PCDHGA3: variants seen among roughly 807,000 people sequenced by gnomAD.
The protein encoded by PCDHGA3 is protocadherin gamma subfamily A, 3.
A neutral mutation model predicts 58.5 loss-of-function variants in PCDHGA3; 40 were observed. The ratio of observed to expected loss-of-function variants is 0.68; its 90% CI spans 0.53 to 0.89. The LOEUF is 0.89. Among genes scored for constraint, PCDHGA3 ranks in the 40% least tolerant of loss-of-function variants. The probability of loss-of-function intolerance (pLI) is 0.00; values close to 1 mark genes in which losing one functional copy is unlikely to be tolerated. For synonymous variants in PCDHGA3, 530 were observed against 525.7 expected (o/e 1.01, Z -0.11); for missense variants, 1,223 against 1,195.9 (o/e 1.02, Z -0.33).
intron 1 of PCDHGA3, among the ~76,000 whole-genome samples, chr5:141,454,626 G>A (rs1206050863): frequency 6.6e-6 from 1 of 151,304 alleles, no homozygotes; most frequent in African/African-American, 2.4e-5. Flanking sequence ...GGCTGGTCTC[G>A]AACCCCCAAC....
intron 1 of PCDHGA3, among the ~76,000 whole-genome samples, chr5:141,458,500 T>G (rs2098947037): frequency 6.6e-6 from 1 of 151,442 alleles, no homozygotes; most frequent in Admixed American, 6.6e-5. Context: ...CTGTACATAC[T>G]GTTTGACACT....
chr5:141,403,856 T>A, intron 1 of PCDHGA3: 1 of 1,613,604 alleles, frequency 6.2e-7, no homozygotes, highest in Non-Finnish European at 8.5e-7. Context: ...TGGGGAAATA[T>A]CAACAGCAAA....
chr5:141,360,425 G>A, intron 1 of PCDHGA3: 1 of 1,613,966 alleles, frequency 6.2e-7, no homozygotes, highest in Non-Finnish European at 8.5e-7. Flanking sequence ...CAGATATGCG[G>A]GAAGCAGCCT....
intron 1 of PCDHGA3, chr5:141,402,915 CAG>C: frequency 6.4e-7 from 1 of 1,564,688 alleles, no homozygotes; most frequent in Non-Finnish European, 8.7e-7. Flanking sequence ...GCAGCGCGCA[CAG>C]AGATCCTTTT....
In PCDHGA3 at chr5:141,455,253, C is replaced by A. The variant is rs187877877; in HGVS notation, c.2425-39554C>A. 2.8e-3 allele frequency among the ~76,000 whole-genome samples: 433 copies of A among 151,986 alleles called. 1 individual carries two copies. Among genetic ancestry groups the A allele is most frequent in the Admixed American group, 0.021 (319 of 15,266 alleles). ...AAAATGTTAAAGGTCATAGTACAAT[C>A]GCATTTCTTCCCATTGATTATTAAC... is the stretch of plus-strand genomic sequence containing the variant. On this transcript the variant is annotated intron_variant, in intron 1 of 3. Coordinates refer to ENST00000253812, the MANE Select transcript of PCDHGA3 (RefSeq NM_018916.4).
chr5:141,347,751 C>A (rs1020160547), intron 1 of PCDHGA3, among the ~76,000 whole-genome samples: 4 of 150,558 alleles, frequency 2.7e-5, no homozygotes, highest in Admixed American at 2.0e-4. Flanking sequence ...TGGGCCACTG[C>A]ACTCCAGCTG....
intron 1 of PCDHGA3, chr5:141,428,256 T>A: frequency 1.2e-6 from 1 of 863,822 alleles, no homozygotes; most frequent in Non-Finnish European, 1.9e-6. Flanking sequence ...CAGACTTCAG[T>A]GACAGTCCTG....
At position 141,491,687 on chromosome 5, in the gene PCDHGA3, G is replaced by T. The variant is rs946829558; in HGVS notation, c.2425-3120G>T. 6.2e-7 allele frequency: 1 copy of T among 1,613,072 alleles called. No individual in the cohort carries two copies. Among genetic ancestry groups the T allele is most frequent in the African/African-American group, 1.3e-5 (1 of 75,046 alleles). On this transcript the variant is annotated intron_variant, in intron 1 of 3. Transcript: ENST00000253812. This position sits in a 1 kb window ranked among gnomAD's most constrained non-coding sequence, Gnocchi z 6.9. ...ATCCGGTCCCGCTCTAATACGCTGC[G>T]GGAGCGGAGCCAGGTGAGGGGCTCG...
At chr5:141,382,378 C>T (rs1160680038) in intron 1 of PCDHGA3, among the ~76,000 whole-genome samples, 1 of 152,098 alleles carries the variant, frequency 6.6e-6, no homozygotes, top group Non-Finnish European at 1.5e-5. Flanking sequence ...TTTTTGCCTT[C>T]AATAACTGAT....
Position 141,346,462 on chromosome 5 carries a change from GT to G in PCDHGA3, c.2424+8del. ...GGAGATTCCAACCTACTTCAGGTGA[GT>G]TTATTTATTTCTTTGATTATTAAGA... On this transcript the variant is annotated splice_donor_region_variant and intron_variant, in intron 1 of 3. Transcript: ENST00000253812. The G allele has an allele frequency of 6.2e-7, 1 of 1,613,952 alleles. No homozygotes were observed. Among genetic ancestry groups the G allele is most frequent in the Non-Finnish European group, 8.5e-7 (1 of 1,179,924 alleles).
Position 141,477,068 on chromosome 5 carries a change from C to G in PCDHGA3, c.2425-17739C>G. The G allele has an allele frequency of 6.2e-7, 1 of 1,614,268 alleles. No individual in the cohort carries two copies. Among genetic ancestry groups the G allele is most frequent in the Non-Finnish European group, 8.5e-7 (1 of 1,180,046 alleles). On this transcript the variant is annotated intron_variant, in intron 1 of 3. Coordinates refer to ENST00000253812, the MANE Select transcript of PCDHGA3 (RefSeq NM_018916.4). This position sits in a 1 kb window ranked among gnomAD's most constrained non-coding sequence, Gnocchi z 4.9. ...GCTGGACTTCGAGGACACCAAACTC[C>G]ATGAGATTTACATCCAGGCCAAAGA...
chr5:141,403,816 A>G (rs2094457403), intron 1 of PCDHGA3: 4 of 1,613,874 alleles, frequency 2.5e-6, no homozygotes, highest in Non-Finnish European at 3.4e-6. Context: ...ATGAAAAACA[A>G]TCTCTGCTAT....
At chr5:141,508,193 C>T (rs1426786164) in intron 3 of PCDHGA3, 1 of 152,326 alleles carries the variant, frequency 6.6e-6, no homozygotes, top group Non-Finnish European at 1.5e-5. Flanking sequence ...ATCACCCCCA[C>T]CTCGTCCAGG....
At chr5:141,364,543 G>A (rs374825504) in intron 1 of PCDHGA3, 26 of 1,614,010 alleles carry the variant, frequency 1.6e-5, no homozygotes, top group Middle Eastern at 1.6e-4. Context: ...CCAGAGGTAG[G>A]ACGCAGCTTT....
intron 1 of PCDHGA3, among the ~76,000 whole-genome samples, chr5:141,451,430 T>C (rs1441183396): frequency 2.0e-5 from 3 of 152,240 alleles, no homozygotes; most frequent in Non-Finnish European, 4.4e-5. Context: ...AGACTAAGGG[T>C]TCCAGTTCCT....
intron 1 of PCDHGA3, chr5:141,428,732 T>C (rs976924838): frequency 1.3e-5 from 2 of 159,284 alleles, no homozygotes; most frequent in African/African-American, 4.8e-5. Context: ...CTTAAACATA[T>C]TATATCTACT....
At chr5:141,414,821 A>G (rs1321959107) in intron 1 of PCDHGA3, 1 of 1,614,226 alleles carries the variant, frequency 6.2e-7, no homozygotes, top group South Asian at 1.1e-5. Flanking sequence ...CTCAGCAGCA[A>G]CGTGTCGTTG....
At chr5:141,474,212 C>T (rs892802269) in intron 1 of PCDHGA3, among the ~76,000 whole-genome samples, 5 of 152,078 alleles carry the variant, frequency 3.3e-5, no homozygotes, top group African/African-American at 1.2e-4. Flanking sequence ...TTTCAAAAAC[C>T]AGATTGTGAA....
chr5:141,477,817 C>G lies in PCDHGA3; in HGVS notation c.2425-16990C>G, dbSNP rs1593824080. 2 of 1,614,138 alleles carry G rather than the reference C, an allele frequency of 1.2e-6. No individual in the cohort carries two copies. The highest frequency in any genetic ancestry group is 8.5e-7 in the Non-Finnish European group (1 of 1,180,038). ...ATCGCAATGACAATGCCCCCCAGGT[C>G]CTATATCCTCGGCCAGGTGGGAGCT... is the stretch of plus-strand genomic sequence containing the variant. On this transcript the variant is annotated intron_variant, in intron 1 of 3. Coordinates refer to ENST00000253812, the MANE Select transcript of PCDHGA3 (RefSeq NM_018916.4). This position sits in a 1 kb window ranked among gnomAD's most constrained non-coding sequence, Gnocchi z 4.9.
Sources: allele counts gnomAD v4.1 joint callset (sites outside exome capture counted in the v4.1 genomes callset), GRCh38; gene constraint gnomAD v4.1.1; non-coding constraint Gnocchi (gnomAD v3.1); transcripts MANE v1.5; gene names NCBI Gene and HGNC (gene_info 2026-07-23, HGNC 2026-07-21).